The following SLC4A1 variants were observed in gnomAD, a reference collection of about 807,000 sequenced individuals.
SLC4A1 encodes band 3 anion transport protein.
Under a neutral mutation model 93.1 loss-of-function variants are expected in SLC4A1, and 29 were observed. The observed-to-expected ratio is 0.31, with a 90% CI of 0.23 to 0.42. The LOEUF (loss-of-function observed/expected upper bound fraction) is 0.42. SLC4A1 is among the 20% of genes least tolerant of loss of function. The pLI, the probability that SLC4A1 is intolerant of heterozygous loss-of-function variation, is 1.00. For synonymous variants in SLC4A1, 469 were observed against 497.2 expected (o/e 0.94, Z 0.76); for missense variants, 965 against 1,190.1 (o/e 0.81, Z 2.78).
At chr17:44,257,068 T>C (rs369130371) in intron 13 of SLC4A1, among the ~76,000 whole-genome samples, 1 of 151,610 alleles carries the variant, frequency 6.6e-6, no homozygotes, top group East Asian at 1.9e-4. Context: ...CTCGGCTCAC[T>C]GCAACCTCCA....
chr17:44,258,344 CAG>C lies in SLC4A1; in HGVS notation c.1087+67_1087+68del. 6.6e-7 allele frequency: 1 copy of C among 1,506,726 alleles called. No individual in the cohort carries two copies. Among genetic ancestry groups the C allele is most frequent in the Non-Finnish European group, 9.2e-7 (1 of 1,083,132 alleles). 93.3% of individuals were successfully genotyped at this position (1,506,726 alleles called of 1,614,324 possible). On this transcript the variant is annotated intron_variant, in intron 10 of 19. Transcript: ENST00000262418. This position sits in a 1 kb window ranked among gnomAD's most constrained non-coding sequence, Gnocchi z 6.1. ...TGAGAGGGGAACATGTGATGGGAGA[CAG>C]AGGCTACGCTGAGGTGTCTGGGGGT...
rs2144601154 is a variant in SLC4A1 at position 44,253,160 on chromosome 17, T to A, written c.2269A>T (p.Lys757Ter). The change falls in exon 17 of 20, where the codon AAA becomes TAA. Residue 757 changes from lysine (K) to a stop codon, truncating the protein, a stop_gained. Transcript: ENST00000262418. LOFTEE classifies it high-confidence loss of function. Reference protein sequence around the residue: ...PGAAAQIQEVKEQRISGLLVA... With the variant: ...PGAAAQIQEV ...AGGAGTCCACTGATCCGCTGCTCTT[T>A]GACCTCCTGGATCTGGGCTGCAGCC... 1 of 1,613,666 alleles carries A rather than the reference T, an allele frequency of 6.2e-7. No individual in the cohort carries two copies. The highest frequency in any genetic ancestry group is 8.5e-7 in the Non-Finnish European group (1 of 1,180,028).
In SLC4A1 at chr17:44,253,375, C is replaced by T. The variant is rs372321092; in HGVS notation, c.2058-4G>A. 2.5e-5 allele frequency: 40 copies of T among 1,608,466 alleles called. No homozygotes were observed. The highest frequency in any genetic ancestry group is 6.7e-5 in the Admixed American group (4 of 59,934). On this transcript the variant is annotated splice_polypyrimidine_tract_variant and splice_region_variant and intron_variant, in intron 16 of 19. Coordinates refer to ENST00000262418, the MANE Select transcript of SLC4A1 (RefSeq NM_000342.4). ...CTCAGGTTTGCTGACAATCAGCCTA[C>T]GGTAGGGGAAGGTGAGGGGTAAGCA... is the stretch of plus-strand genomic sequence containing the variant.
Position 44,257,966 on chromosome 17 carries a change from A to G in SLC4A1, c.1282+20T>C. On this transcript the variant is annotated intron_variant, in intron 11 of 19. Transcript: ENST00000262418. ...AGAGGGTCAGAGGCAAGAGTTAGGG[A>G]GACAGGTATTGGCACTGACCCAGGA... 1.9e-6 allele frequency: 3 copies of G among 1,613,738 alleles called. No homozygotes were observed. Among genetic ancestry groups the G allele is most frequent in the Non-Finnish European group, 2.5e-6 (3 of 1,179,776 alleles).
chr17:44,256,643 C>G (rs1358664819), intron 13 of SLC4A1, among the ~76,000 whole-genome samples: 2 of 152,220 alleles, frequency 1.3e-5, no homozygotes, highest in African/African-American at 4.8e-5. Flanking sequence ...CAGAGTCCCC[C>G]CAGCTCTCAC....
Position 44,261,895 on chromosome 17 carries a change from C to T in SLC4A1, c.107-259G>A, listed in dbSNP as rs1013283390. ...GGGATTCAGCCAGGGAGGCCTAGCC[C>T]CTCCGCAGTGATGAAGTGAAGGGAC... is the stretch of plus-strand genomic sequence containing the variant. On this transcript the variant is annotated intron_variant, in intron 3 of 19. Coordinates refer to ENST00000262418, the MANE Select transcript of SLC4A1 (RefSeq NM_000342.4). The T allele has an allele frequency of 1.3e-5, 14 of 1,039,050 alleles. 1 individual carries two copies. Among genetic ancestry groups the T allele is most frequent in the Non-Finnish European group, 1.7e-5 (13 of 752,830 alleles). 64.4% of individuals were successfully genotyped at this position (1,039,050 alleles called of 1,614,324 possible).
rs984461830 is a variant in SLC4A1, at chr17:44,258,098, G to A, written c.1170C>T (p.Tyr390=). The change falls in exon 11 of 20, where the codon TAC becomes TAT. Residue 390 remains tyrosine, a synonymous_variant. Coordinates refer to ENST00000262418, the MANE Select transcript of SLC4A1 (RefSeq NM_000342.4). The surrounding 1 kb of genome is among the most constrained non-coding windows in gnomAD (Gnocchi z 6.1). ...GGLVRDIRRR[Y]PYYLSDITDA... ...CTGTGATGTCACTCAGGTAATAGGG[G>A]TAGCGGCGCCGGATATCACGCACCA... is the stretch of plus-strand genomic sequence containing the variant. 3 of 1,614,138 alleles carry A rather than the reference G, an allele frequency of 1.9e-6. No individual in the cohort carries two copies. The highest frequency in any genetic ancestry group is 1.3e-5 in the African/African-American group (1 of 75,032).
rs539174939 is a variant in SLC4A1 at position 44,258,724 on chromosome 17, G to A, written c.877-101C>T. 1,380 of 1,150,094 alleles carry A rather than the reference G, an allele frequency of 1.2e-3. 11 individuals carry two copies. The highest frequency in any genetic ancestry group is 3.3e-3 in the East Asian group (128 of 39,026). The allele number at this position is 1,150,094 out of a possible 1,614,324, so 71.2% of individuals were successfully genotyped here. On this transcript the variant is annotated intron_variant, in intron 9 of 19. Coordinates refer to ENST00000262418, the MANE Select transcript of SLC4A1 (RefSeq NM_000342.4). This position sits in a 1 kb window ranked among gnomAD's most constrained non-coding sequence, Gnocchi z 6.1. Reference sequence around the variant, plus strand: ...CCAGGAACCAGAACCCCCTCAGGCAGCAGCTCCCATTGCCAGGAACTGCTT... The same window carrying A: ...CCAGGAACCAGAACCCCCTCAGGCAACAGCTCCCATTGCCAGGAACTGCTT...
At position 44,260,815 on chromosome 17, in the gene SLC4A1, C is replaced by G. The variant is rs764706733; in HGVS notation, c.169G>C (p.Val57Leu). 7 of 1,611,316 alleles carry G rather than the reference C, an allele frequency of 4.3e-6. No homozygotes were observed. The South Asian group carries it at 4.4e-5, about 10-fold the overall frequency. Residue 57 changes from valine (V) to leucine (L), a missense_variant and splice_region_variant, in exon 5 of 20, where the codon GTC becomes CTC. Val to Leu is a conservative substitution (Grantham distance 32). Coordinates refer to ENST00000262418, the MANE Select transcript of SLC4A1 (RefSeq NM_000342.4). ...HTTSHPGTHKVYVELQELVMD... is the reference protein window; with the variant it reads ...HTTSHPGTHKLYVELQELVMD... ...ACCAGCTCCTGCAGCTCCACATAGA[C>G]CTGTGGCCCCATGCGCCTGAGTTAG...
At position 44,251,575 on chromosome 17, in the gene SLC4A1, G is replaced by A; in HGVS notation, c.2325C>T (p.Leu775=). 1 of 1,614,050 alleles carries A rather than the reference G, an allele frequency of 6.2e-7. No homozygotes were observed. The highest frequency in any genetic ancestry group is 1.3e-5 in the African/African-American group (1 of 75,054). The change falls in exon 18 of 20, where the codon CTC becomes CTT. Residue 775 remains leucine, a synonymous_variant. Transcript: ENST00000262418. ...GGATGCGGGACAGGATGGGCTCCAT[G>A]AGGATGGACAGGCCTGTGGGGGAGC... ...LVAVLVGLSI[L]MEPILSRIPL...
intron 17 of SLC4A1, among the ~76,000 whole-genome samples, chr17:44,252,892 C>T (rs1222168358): frequency 2.0e-5 from 3 of 152,160 alleles, no homozygotes; most frequent in Admixed American, 2.0e-4. Context: ...CTGGAGAAGG[C>T]CTCGGAGTGG....
chr17:44,259,772 CACCCTGACCCTG>C (rs773940362), intron 7 of SLC4A1, 25 bp downstream of exon 7: 7 of 1,613,618 alleles, frequency 4.3e-6, no homozygotes, highest in Non-Finnish European at 5.9e-6. Context: ...CTCCTTGCCC[CACCCTGACCCTG>C]ACCCTGACCC....
intron 19 of SLC4A1, 138 bp downstream of exon 19, chr17:44,251,021 A>G (rs2047333607): frequency 2.2e-6 from 2 of 924,832 alleles, no homozygotes; most frequent in Non-Finnish European, 3.4e-6. Flanking sequence ...ATCATATGCT[A>G]GGACACAGCA....
intron 1 of SLC4A1, among the ~76,000 whole-genome samples, chr17:44,264,733 A>G (rs1373805634): frequency 1.3e-5 from 2 of 152,056 alleles, no homozygotes; most frequent in Non-Finnish European, 2.9e-5. Flanking sequence ...GAGGCCTCTG[A>G]GCTCGGGGTC....
Position 44,250,366 on chromosome 17 carries a change from TG to T in SLC4A1, c.*91del, listed in dbSNP as rs2047327396. The T allele has an allele frequency of 2.0e-5, 21 of 1,057,246 alleles. No individual in the cohort carries two copies. In the Admixed American group the frequency reaches 3.0e-4, roughly 15 times the overall value. 65.5% of individuals were successfully genotyped at this position (1,057,246 alleles called of 1,614,324 possible). A position where few individuals can be genotyped will look rare whatever the true frequency, so the allele number is the denominator to read the frequency against. On this transcript the variant is annotated 3_prime_UTR_variant, in exon 20 of 20. Coordinates refer to ENST00000262418, the MANE Select transcript of SLC4A1 (RefSeq NM_000342.4). ...CTCAGCTGCTGCTCCAGGAGGATCC[TG>T]GAGTCCATGAGGTGCCCATGAACTT...
chr17:44,254,469 AG>A, intron 16 of SLC4A1, 26 bp downstream of exon 16: 102 of 665,076 alleles, frequency 1.5e-4, no homozygotes, highest in Middle Eastern at 2.7e-4. Context: ...CCACCCTCCC[AG>A]GCCCAGCCCC....
At chr17:44,251,051 G>T in intron 19 of SLC4A1, 108 bp downstream of exon 19, 1 of 1,254,606 alleles carries the variant, frequency 8.0e-7, no homozygotes, top group Non-Finnish European at 1.1e-6. Context: ...CTGGACACCA[G>T]CCCTAGCCCC....
At position 44,258,674 on chromosome 17, in the gene SLC4A1, A is replaced by AC; in HGVS notation, c.877-52dup. The AC allele has an allele frequency of 6.5e-7, 1 of 1,532,712 alleles. No homozygotes were observed. Among genetic ancestry groups the AC allele is most frequent in the Non-Finnish European group, 8.8e-7 (1 of 1,131,960 alleles). The allele number at this position is 1,532,712 out of a possible 1,614,324, so 94.9% of individuals were successfully genotyped here. ...CTGCCCGGACCTGCGGAGGGAAAGG[A>AC]CCCAGGAGTCCACAGCCAGGGCCTC... On this transcript the variant is annotated intron_variant, in intron 9 of 19. Transcript: ENST00000262418. This position sits in a 1 kb window ranked among gnomAD's most constrained non-coding sequence, Gnocchi z 6.1.
At chr17:44,266,243 C>T (rs993522193) in intron 1 of SLC4A1, among the ~76,000 whole-genome samples, 2 of 152,132 alleles carry the variant, frequency 1.3e-5, no homozygotes, top group South Asian at 4.1e-4. Flanking sequence ...CTTTTTCCTC[C>T]TCCCTCTCTG....
Sources: allele counts gnomAD v4.1 joint callset (sites outside exome capture counted in the v4.1 genomes callset), GRCh38; gene constraint gnomAD v4.1.1; non-coding constraint Gnocchi (gnomAD v3.1); transcripts MANE v1.5; gene names NCBI Gene and HGNC (gene_info 2026-07-23, HGNC 2026-07-21).